UST: variants seen among roughly 807,000 people sequenced by gnomAD.
UST encodes the protein chondroitin sulfate 2-O-sulfotransferase.
In UST, 21 loss-of-function variants were observed where a neutral mutation model predicts 45.6. The observed-to-expected ratio is 0.46, with a 90% CI of 0.33 to 0.66. The LOEUF is 0.66. Ranked by LOEUF, UST falls within the 30% of genes least tolerant of loss-of-function variation. The pLI is 0.02. For missense variants in UST, 463 were observed against 512.4 expected, an observed-to-expected ratio of 0.90 and a Z score of 0.93; for synonymous variants, 215 against 200.6, an observed-to-expected ratio of 1.07 and a Z score of -0.61.
intron 1 of UST, among the ~76,000 whole-genome samples, chr6:148,759,383 C>T (rs887133596): frequency 2.6e-5 from 4 of 151,024 alleles, no homozygotes; most frequent in Non-Finnish European, 4.4e-5. Context: ...AAAAATTAGC[C>T]GGGCGTGGTC....
At chr6:148,873,791 A>G (rs1029610952) in intron 1 of UST, among the ~76,000 whole-genome samples, 1 of 152,230 alleles carries the variant, frequency 6.6e-6, no homozygotes, top group African/African-American at 2.4e-5. Flanking sequence ...AGTGCTTTGC[A>G]CAGTGCTGAG....
At chr6:148,843,059 A>T (rs981243977) in intron 1 of UST, among the ~76,000 whole-genome samples, 1 of 152,268 alleles carries the variant, frequency 6.6e-6, no homozygotes, top group East Asian at 1.9e-4. Flanking sequence ...CATTTCCCAG[A>T]TTAAAATTTC....
Position 148,941,394 on chromosome 6 carries a change from C to T in UST, c.407C>T (p.Ser136Leu), listed in dbSNP as rs773926218. 1 of 1,604,216 alleles carries T rather than the reference C, an allele frequency of 6.2e-7. No individual in the cohort carries two copies. The highest frequency in any genetic ancestry group is 1.1e-5 in the South Asian group (1 of 88,322). ...AAGCACGGATTTAATTTGGTCACAT[C>T]AGACATTCACAACAAAACCAGGCTT... Reference protein sequence around the residue: ...SEKHGFNLVTSDIHNKTRLTK... With the variant: ...SEKHGFNLVTLDIHNKTRLTK... Residue 136 changes from serine to leucine, a missense_variant, in exon 3 of 8, where the codon TCA (serine) becomes TTA (leucine). Physicochemically the swap from Ser to Leu is moderately radical, Grantham distance 145 (BLOSUM62 -2). Transcript: ENST00000367463.
intron 1 of UST, among the ~76,000 whole-genome samples, chr6:148,822,965 C>T (rs1777494789): frequency 6.6e-6 from 1 of 152,114 alleles, no homozygotes; most frequent in South Asian, 2.1e-4. Flanking sequence ...CTCTTACTTA[C>T]CTGGCTCTTA....
At chr6:148,878,261 G>A (rs1372027879) in intron 1 of UST, among the ~76,000 whole-genome samples, 9 of 106,286 alleles carry the variant, frequency 8.5e-5, no homozygotes, top group African/African-American at 2.3e-4. Flanking sequence ...GTATGAGTGC[G>A]GAGATCGTGT....
Position 149,073,977 on chromosome 6 carries a change from A to G in UST, c.1082A>G (p.Lys361Arg). 4 of 1,614,146 alleles carry G rather than the reference A, an allele frequency of 2.5e-6. No individual in the cohort carries two copies. Among genetic ancestry groups the G allele is most frequent in the South Asian group, 2.2e-5 (2 of 91,078 alleles). ...GAGCAGTTCCACCTGCTGAAGCGCA[A>G]GTTTGGACTTAAGTCTCACGTCAGC... ...VKEQFHLLKRKFGLKSHVSKP... is the reference protein window; with the variant it reads ...VKEQFHLLKRRFGLKSHVSKP... Residue 361 changes from lysine to arginine, a missense_variant, in exon 8 of 8, where the codon AAG becomes AGG. By Grantham distance (26) the Lys-to-Arg change is conservative (BLOSUM62 2). This residue lies in a region of UST where 287 missense variants were observed against 374.2 expected (regional missense o/e 0.77). Transcript: ENST00000367463.
At chr6:149,038,599 A>C (rs1484297115) in intron 7 of UST, among the ~76,000 whole-genome samples, 7 of 152,190 alleles carry the variant, frequency 4.6e-5, no homozygotes, top group Non-Finnish European at 1.0e-4. Flanking sequence ...GTCTTAAGCT[A>C]CCTGGTTTGT....
intron 1 of UST, among the ~76,000 whole-genome samples, chr6:148,803,135 T>C: frequency 6.6e-6 from 1 of 152,184 alleles, no homozygotes; most frequent in East Asian, 1.9e-4. Flanking sequence ...TTGCAATTGC[T>C]GACTTTTCAG....
intron 5 of UST, among the ~76,000 whole-genome samples, chr6:149,007,680 T>C (rs1415811840): frequency 2.6e-5 from 4 of 151,872 alleles, no homozygotes; most frequent in Admixed American, 6.6e-5. Context: ...TGCCTCGGCC[T>C]CCCAAAATGC....
chr6:148,747,832 C>CCAA (rs1775903369), intron 1 of UST, among the ~76,000 whole-genome samples, 155 bp downstream of exon 1: 1 of 152,086 alleles, frequency 6.6e-6, no homozygotes, highest in African/African-American at 2.4e-5. Context: ...GTGCCGCGGT[C>CCAA]GGGAGCGCCT....
chr6:148,819,870 C>A (rs528706927), intron 1 of UST, among the ~76,000 whole-genome samples: 1 of 152,212 alleles, frequency 6.6e-6, no homozygotes, highest in African/African-American at 2.4e-5. Context: ...ATTATCTACA[C>A]CTCCTTCCAT....
chr6:148,911,733 A>G (rs572235028), intron 2 of UST, among the ~76,000 whole-genome samples: 14 of 152,306 alleles, frequency 9.2e-5, no homozygotes, highest in African/African-American at 3.1e-4. Flanking sequence ...ATCAGACATG[A>G]AACCGGAATT....
intron 7 of UST, among the ~76,000 whole-genome samples, chr6:149,035,658 T>C (rs918796956): frequency 6.6e-6 from 1 of 151,842 alleles, no homozygotes; most frequent in Admixed American, 6.6e-5. Flanking sequence ...TTTGAGAGGC[T>C]GAGGTGGGAG....
intron 1 of UST, among the ~76,000 whole-genome samples, chr6:148,800,157 A>G (rs550157769): frequency 3.9e-5 from 6 of 152,328 alleles, no homozygotes; most frequent in African/African-American, 1.4e-4. Context: ...TCAGAAAAAC[A>G]TGGATAAGGC....
chr6:148,971,415 A>G (rs946443984), intron 5 of UST, among the ~76,000 whole-genome samples: 1 of 152,202 alleles, frequency 6.6e-6, no homozygotes, highest in African/African-American at 2.4e-5. Flanking sequence ...ACAGGCATTC[A>G]TCCCAAAACC....
At chr6:148,919,639 A>T (rs1454898072) in intron 2 of UST, among the ~76,000 whole-genome samples, 1 of 152,258 alleles carries the variant, frequency 6.6e-6, no homozygotes, top group Non-Finnish European at 1.5e-5. Context: ...AAAAGTTTTC[A>T]AAATAGTTTG....
intron 2 of UST, among the ~76,000 whole-genome samples, chr6:148,922,614 C>G (rs1277796667): frequency 1.4e-5 from 2 of 144,212 alleles, no homozygotes; most frequent in South Asian, 2.2e-4. Context: ...TCAGCCTCCT[C>G]AGTACCTAGG....
At chr6:148,928,025 G>T (rs950131292) in intron 2 of UST, among the ~76,000 whole-genome samples, 2 of 152,200 alleles carry the variant, frequency 1.3e-5, no homozygotes, top group African/African-American at 2.4e-5. Flanking sequence ...GGAGGTATTT[G>T]TGTCACTGGT....
chr6:148,932,962 G>A (rs2114912791), intron 2 of UST, among the ~76,000 whole-genome samples: 1 of 152,248 alleles, frequency 6.6e-6, no homozygotes, highest in South Asian at 2.1e-4. Flanking sequence ...TAGGTTCAGT[G>A]CCCTCATTCT....
Sources: gnomAD v4.1 joint callset for allele counts (sites outside exome capture counted in the v4.1 genomes callset) on GRCh38, gnomAD v4.1.1 for gene constraint, gnomAD v4.1.1 regional missense constraint, MANE v1.5 for transcripts, NCBI Gene and HGNC (gene_info 2026-07-23, HGNC 2026-07-21) for gene names.